The following FARS2 variants were observed in gnomAD, a reference collection of about 807,000 sequenced individuals.
FARS2 encodes phenylalanyl-tRNA synthetase 2, mitochondrial, also known as phenylalanine--tRNA ligase, mitochondrial.
A neutral mutation model predicts 46.4 loss-of-function variants in FARS2; 40 were observed. The ratio of observed to expected loss-of-function variants is 0.86; its 90% CI spans 0.67 to 1.12. The LOEUF (loss-of-function observed/expected upper bound fraction) is 1.12. FARS2 is among the 50% of genes most tolerant of loss of function. The probability of loss-of-function intolerance (pLI) is 0.00; values close to 1 mark genes in which losing one functional copy is unlikely to be tolerated. For missense variants in FARS2, 513 were observed against 567.9 expected, an observed-to-expected ratio of 0.90 and a Z score of 0.98; for synonymous variants, 234 against 214.9, an observed-to-expected ratio of 1.09 and a Z score of -0.78.
At chr6:5,491,993 A>G (rs1331854963) in intron 4 of FARS2, among the ~76,000 whole-genome samples, 1 of 152,182 alleles carries the variant, frequency 6.6e-6, no homozygotes, top group Admixed American at 6.5e-5. Flanking sequence ...AAATTCAGTA[A>G]CCAAACTTCT....
chr6:5,647,904 G>T (rs1201063484), intron 6 of FARS2, among the ~76,000 whole-genome samples: 1 of 152,076 alleles, frequency 6.6e-6, no homozygotes, highest in Non-Finnish European at 1.5e-5. Flanking sequence ...ACATCACCGT[G>T]GTTTGAATCA....
chr6:5,693,322 A>G (rs1187617764), intron 6 of FARS2, among the ~76,000 whole-genome samples: 2 of 152,222 alleles, frequency 1.3e-5, no homozygotes, highest in South Asian at 4.1e-4. Flanking sequence ...CCCTCACCAG[A>G]TCTGCCCCCT....
chr6:5,487,973 TG>T (rs113009304), intron 4 of FARS2, among the ~76,000 whole-genome samples: 61 of 152,312 alleles, frequency 4.0e-4, no homozygotes, highest in African/African-American at 9.4e-4. Context: ...AGCTGGACTC[TG>T]GGGCTTATTC....
chr6:5,305,433 C>G (rs985652464), intron 1 of FARS2, among the ~76,000 whole-genome samples: 2 of 152,118 alleles, frequency 1.3e-5, no homozygotes, highest in Non-Finnish European at 2.9e-5. Context: ...TAGTGGGATC[C>G]CACAGTTTGC....
At chr6:5,523,367 G>A (rs1306099981) in intron 4 of FARS2, among the ~76,000 whole-genome samples, 1 of 152,140 alleles carries the variant, frequency 6.6e-6, no homozygotes. Flanking sequence ...TTTTTGACTG[G>A]TAGAGTTGGA....
At chr6:5,523,609 G>C (rs1167166519) in intron 4 of FARS2, among the ~76,000 whole-genome samples, 1 of 152,156 alleles carries the variant, frequency 6.6e-6, no homozygotes, top group Non-Finnish European at 1.5e-5. Flanking sequence ...CGCTGCATCA[G>C]ACCTTATGCA....
At chr6:5,456,663 G>A (rs1267002250) in intron 4 of FARS2, among the ~76,000 whole-genome samples, 3 of 137,206 alleles carry the variant, frequency 2.2e-5, no homozygotes, top group South Asian at 2.4e-4. Flanking sequence ...CCTGGGAGGC[G>A]GAGGTTGCAG....
At chr6:5,500,940 GAGAGAGAGAGA>G (rs905368971) in intron 4 of FARS2, among the ~76,000 whole-genome samples, 2 of 31,934 alleles carry the variant, frequency 6.3e-5, no homozygotes, top group African/African-American at 1.6e-4. Context: ...CCCCGAGAGA[GAGAGAGAGAGA>G]GAGAGAGAGA....
intron 1 of FARS2, among the ~76,000 whole-genome samples, chr6:5,299,069 A>G (rs1464924756): frequency 2.0e-5 from 3 of 152,162 alleles, no homozygotes; most frequent in Non-Finnish European, 4.4e-5. Flanking sequence ...ATATAGATCT[A>G]GTTTATTCTG....
At chr6:5,741,944 G>A (rs771977810) in intron 6 of FARS2, among the ~76,000 whole-genome samples, 3 of 152,180 alleles carry the variant, frequency 2.0e-5, no homozygotes, top group African/African-American at 4.8e-5. Context: ...GAGCCACCAC[G>A]CCCAGCTGGG....
intron 6 of FARS2, among the ~76,000 whole-genome samples, chr6:5,643,529 T>C (rs1034752894): frequency 1.3e-5 from 2 of 152,240 alleles, no homozygotes; most frequent in African/African-American, 4.8e-5. Context: ...CCTCACTGTG[T>C]TGGGCATCAG....
intron 5 of FARS2, among the ~76,000 whole-genome samples, chr6:5,559,996 G>T (rs1445587775): frequency 6.6e-6 from 1 of 152,114 alleles, no homozygotes; most frequent in African/African-American, 2.4e-5. Flanking sequence ...ATTCCAGGGG[G>T]TTTGTAGATC....
intron 3 of FARS2, among the ~76,000 whole-genome samples, chr6:5,411,879 T>C (rs1268778934): frequency 6.6e-6 from 1 of 152,250 alleles, no homozygotes; most frequent in East Asian, 1.9e-4. Flanking sequence ...TATTTTGTAC[T>C]GTGCTTAGTA....
intron 3 of FARS2, among the ~76,000 whole-genome samples, chr6:5,410,544 G>A (rs1209710134): frequency 6.6e-6 from 1 of 152,070 alleles, no homozygotes; most frequent in Non-Finnish European, 1.5e-5. Flanking sequence ...TATTAATTAA[G>A]TAATTTTGCT....
intron 6 of FARS2, among the ~76,000 whole-genome samples, chr6:5,624,794 G>A (rs1468382770): frequency 6.6e-6 from 1 of 152,140 alleles, no homozygotes; most frequent in African/African-American, 2.4e-5. Context: ...TCACAGAATT[G>A]CTGGCAGAAA....
intron 6 of FARS2, among the ~76,000 whole-genome samples, chr6:5,663,159 C>G (rs1274502456): frequency 6.6e-6 from 1 of 152,112 alleles, no homozygotes; most frequent in Non-Finnish European, 1.5e-5. Flanking sequence ...GATTTTATAG[C>G]AGGTGAATGT....
intron 6 of FARS2, among the ~76,000 whole-genome samples, chr6:5,655,627 C>T (rs1033613902): frequency 6.6e-6 from 1 of 152,190 alleles, no homozygotes; most frequent in African/African-American, 2.4e-5. Flanking sequence ...CTCTGGCCCT[C>T]CTGCCTCCCT....
chr6:5,287,912 G>A (rs1308595151), intron 1 of FARS2, among the ~76,000 whole-genome samples: 1 of 152,080 alleles, frequency 6.6e-6, no homozygotes, highest in African/African-American at 2.4e-5. Flanking sequence ...CAGAGGCTGG[G>A]GATGAGGAAA....
intron 4 of FARS2, among the ~76,000 whole-genome samples, chr6:5,494,955 A>G (rs1767363231): frequency 6.6e-6 from 1 of 152,170 alleles, no homozygotes; most frequent in Admixed American, 6.5e-5. Flanking sequence ...CCTTTAAACA[A>G]ATGAACATGT....
Sources: gnomAD v4.1 joint callset for allele counts (sites outside exome capture counted in the v4.1 genomes callset) on GRCh38, gnomAD v4.1.1 for gene constraint, MANE v1.5 for transcripts, NCBI Gene and HGNC (gene_info 2026-07-23, HGNC 2026-07-21) for gene names.